The following ECE1 variants were observed in gnomAD, a reference collection of about 807,000 sequenced individuals.
ECE1 encodes endothelin converting enzyme 1, also known as endothelin-converting enzyme 1.
ECE1 carries 35 observed loss-of-function variants against 98.6 expected under a neutral mutation model. The ratio of observed to expected loss-of-function variants is 0.35; its 90% CI spans 0.27 to 0.47. The LOEUF (loss-of-function observed/expected upper bound fraction) is 0.47, where lower values mean the gene tolerates loss of function less well. Among genes scored for constraint, ECE1 ranks in the 20% least tolerant of loss-of-function variants. ECE1 has a pLI of 1.00. For missense variants in ECE1, 814 were observed against 1,025.3 expected, an observed-to-expected ratio of 0.79 and a Z score of 2.81; for synonymous variants, 394 against 407.1, an observed-to-expected ratio of 0.97 and a Z score of 0.39.
intron 8 of ECE1, among the ~76,000 whole-genome samples, chr1:21,253,490 C>T (rs901752665): frequency 1.3e-5 from 2 of 150,500 alleles, no homozygotes; most frequent in African/African-American, 2.4e-5. Context: ...AGGCCGGGCG[C>T]GGTGGCTCAC....
At chr1:21,243,004 T>C (rs1049049278) in intron 10 of ECE1, among the ~76,000 whole-genome samples, 2 of 152,196 alleles carry the variant, frequency 1.3e-5, no homozygotes, top group African/African-American at 4.8e-5. Flanking sequence ...TAATTCCTCA[T>C]CCCTCTTCCT....
intron 8 of ECE1, among the ~76,000 whole-genome samples, chr1:21,251,880 G>A (rs956111250): frequency 6.6e-6 from 1 of 152,026 alleles, no homozygotes; most frequent in African/African-American, 2.4e-5. Context: ...TCTTTACCTT[G>A]TCCTCTCTGC....
At chr1:21,328,764 G>GAAAA (rs35883969) in intron 1 of ECE1, among the ~76,000 whole-genome samples, 10 of 50,188 alleles carry the variant, frequency 2.0e-4, no homozygotes, top group South Asian at 7.0e-4. Context: ...CCTCCATCTC[G>GAAAA]AAAAAAAAAA....
intron 8 of ECE1, among the ~76,000 whole-genome samples, chr1:21,249,185 T>G (rs1573964279): frequency 6.8e-6 from 1 of 146,308 alleles, no homozygotes; most frequent in African/African-American, 2.5e-5. Context: ...TCTACCAAAA[T>G]TACAAAAATT....
intron 16 of ECE1, among the ~76,000 whole-genome samples, chr1:21,226,788 C>T (rs1483749187): frequency 1.3e-5 from 2 of 152,176 alleles, no homozygotes; most frequent in African/African-American, 4.8e-5. Flanking sequence ...TGCAGTGGCG[C>T]AATCTCAGCT....
At position 21,243,963 on chromosome 1, in the gene ECE1, G is replaced by A. The variant is rs562541935; in HGVS notation, c.1278+1026C>T. Among the ~76,000 whole-genome samples the A allele has an allele frequency of 1.6e-3, 247 of 152,336 alleles. 1 individual carries two copies. The highest frequency in any genetic ancestry group is 5.1e-3 in the African/African-American group (210 of 41,582). ...CCTGCCAGAGGTAGGTTTGCATGGG[G>A]ATGGGAGAGAGGACGTGTAGGATGC... On this transcript the variant is annotated intron_variant, in intron 10 of 18. Coordinates refer to ENST00000374893, the MANE Select transcript of ECE1 (RefSeq NM_001397.3).
intron 8 of ECE1, among the ~76,000 whole-genome samples, chr1:21,250,246 T>C (rs1394247773): frequency 1.3e-5 from 2 of 152,248 alleles, no homozygotes; most frequent in East Asian, 3.8e-4. Flanking sequence ...CCTTTTGTGA[T>C]TGGCTTATTT....
At chr1:21,251,374 G>A (rs796645239) in intron 8 of ECE1, among the ~76,000 whole-genome samples, 7 of 152,144 alleles carry the variant, frequency 4.6e-5, no homozygotes, top group African/African-American at 1.4e-4. Flanking sequence ...AATTAGCCAG[G>A]CGTGGTGGTG....
chr1:21,329,937 A>G (rs1558435936), intron 1 of ECE1, among the ~76,000 whole-genome samples: 1 of 152,150 alleles, frequency 6.6e-6, no homozygotes, highest in Admixed American at 6.6e-5. Context: ...CTTGTAGGGC[A>G]GCAGGGCCAA....
At chr1:21,295,868 G>A (rs1638339747) in intron 1 of ECE1, among the ~76,000 whole-genome samples, 1 of 152,164 alleles carries the variant, frequency 6.6e-6, no homozygotes, top group Non-Finnish European at 1.5e-5. Flanking sequence ...ATGTGACCTC[G>A]GACATGTTGT....
intron 1 of ECE1, among the ~76,000 whole-genome samples, chr1:21,330,133 C>CA (rs1639168221): frequency 3.5e-5 from 3 of 86,490 alleles, no homozygotes; most frequent in African/African-American, 1.2e-4. Flanking sequence ...TCACTAAATA[C>CA]TTTTTTTTTT....
chr1:21,323,367 T>C (rs1639004040), intron 1 of ECE1, among the ~76,000 whole-genome samples: 1 of 152,172 alleles, frequency 6.6e-6, no homozygotes, highest in African/African-American at 2.4e-5. Context: ...CTCACATCCA[T>C]TCACTCATTC....
At position 21,342,664 on chromosome 1, in the gene ECE1, G is replaced by A. The variant is rs13375141; in HGVS notation, c.3+2712C>T. ...CACACACACGCCCTGCAAACGCGCC[G>A]CATTAGGAACCCAGGGGCCAAGGAC... On this transcript the variant is annotated intron_variant, in intron 1 of 18. Transcript: ENST00000415912. Among the ~76,000 whole-genome samples the A allele has an allele frequency of 7.6e-3, 1,153 of 150,762 alleles. 23 individuals are homozygous for A. Among genetic ancestry groups the A allele is most frequent in the African/African-American group, 0.027 (1,109 of 41,020 alleles).
chr1:21,290,309 G>T lies in ECE1; in HGVS notation c.51+55C>A. The T allele has an allele frequency of 8.1e-7, 1 of 1,236,536 alleles. No homozygotes were observed. Among genetic ancestry groups the T allele is most frequent in the Non-Finnish European group, 1.0e-6 (1 of 993,070 alleles). The allele number at this position is 1,236,536 out of a possible 1,614,324, so 76.6% of individuals were successfully genotyped here. A position where few individuals can be genotyped will look rare whatever the true frequency, so the allele number is the denominator to read the frequency against. On this transcript the variant is annotated intron_variant, in intron 1 of 18. Coordinates refer to ENST00000374893, the MANE Select transcript of ECE1 (RefSeq NM_001397.3). The surrounding 1 kb of genome is among the most constrained non-coding windows in gnomAD (Gnocchi z 7.3). ...GACCGGCCCACGGAGCGGCCCGCGC[G>T]GGGAGGGGTCCCGCCCGCCTCCCGC...
At chr1:21,324,168 G>C (rs907878495) in intron 1 of ECE1, among the ~76,000 whole-genome samples, 1 of 152,100 alleles carries the variant, frequency 6.6e-6, no homozygotes, top group Non-Finnish European at 1.5e-5. Flanking sequence ...GCCCAAGCTG[G>C]AGTGCGGCCT....
At chr1:21,300,212 C>T (rs1402769899) in intron 1 of ECE1, among the ~76,000 whole-genome samples, 6 of 152,250 alleles carry the variant, frequency 3.9e-5, no homozygotes, top group African/African-American at 1.4e-4. Flanking sequence ...CTGGCTGCCA[C>T]CATTCCAGCT....
At chr1:21,227,256 ATGC>A (rs773770889) in intron 15 of ECE1, 30 bp from the exon 16 acceptor site, 1 of 1,607,306 alleles carries the variant, frequency 6.2e-7, no homozygotes, top group Non-Finnish European at 8.5e-7. Context: ...GGTAGAGATG[ATGC>A]TTTGAGAGGA....
chr1:21,285,962 A>C (rs1435649456), intron 2 of ECE1, among the ~76,000 whole-genome samples: 2 of 149,586 alleles, frequency 1.3e-5, no homozygotes, highest in African/African-American at 4.9e-5. Flanking sequence ...ACTGCACTAC[A>C]GCCTGGACAA....
chr1:21,339,801 G>A (rs1185961032), intron 1 of ECE1, among the ~76,000 whole-genome samples: 1 of 152,156 alleles, frequency 6.6e-6, no homozygotes, highest in Non-Finnish European at 1.5e-5. Flanking sequence ...AAGTCCAAAG[G>A]GGCCCTGTTG....
Sources: allele counts gnomAD v4.1 joint callset (sites outside exome capture counted in the v4.1 genomes callset), GRCh38; gene constraint gnomAD v4.1.1; non-coding constraint Gnocchi (gnomAD v3.1); transcripts MANE v1.5; gene names NCBI Gene and HGNC (gene_info 2026-07-23, HGNC 2026-07-21).